ADGRD2: variants seen among roughly 807,000 people sequenced by gnomAD.
ADGRD2 encodes adhesion G protein-coupled receptor D2.
In ADGRD2, 71 loss-of-function variants were observed where a neutral mutation model predicts 44.4. That is an observed-to-expected ratio of 1.60 (90% CI 1.32 to 1.95). The LOEUF (loss-of-function observed/expected upper bound fraction) is 1.95, where lower values mean the gene tolerates loss of function less well. ADGRD2 is among the 30% of genes most tolerant of loss of function. The pLI, the probability that ADGRD2 is intolerant of heterozygous loss-of-function variation, is 0.00. For missense variants in ADGRD2, 1,039 were observed against 512.4 expected (o/e 2.03, Z -9.92); for synonymous variants, 481 against 224.8 (o/e 2.14, Z -10.19).
At chr9:124,472,318 C>T (rs900650977) in intron 17 of ADGRD2, among the ~76,000 whole-genome samples, 14 of 152,078 alleles carry the variant, frequency 9.2e-5, no homozygotes, top group African/African-American at 3.1e-4. Context: ...TCTCCCTGTG[C>T]CCTTCTCACC....
chr9:124,460,746 G>T (rs1390146958), intron 10 of ADGRD2, among the ~76,000 whole-genome samples: 1 of 152,026 alleles, frequency 6.6e-6, no homozygotes, highest in African/African-American at 2.4e-5. Flanking sequence ...GGGCTATTAT[G>T]AATAAGTCTG....
At chr9:124,473,875 A>G (rs1000541933) in intron 17 of ADGRD2, among the ~76,000 whole-genome samples, 6 of 138,158 alleles carry the variant, frequency 4.3e-5, no homozygotes, top group Non-Finnish European at 6.2e-5. Flanking sequence ...GGGAGGGGGC[A>G]TGGTGGGGTC....
intron 10 of ADGRD2, among the ~76,000 whole-genome samples, chr9:124,460,295 C>T (rs1016687908): frequency 4.0e-5 from 6 of 151,320 alleles, no homozygotes; most frequent in Non-Finnish European, 7.4e-5. Context: ...CTCCGCCCCC[C>T]GGGTCCAAGC....
exon 3 of ADGRD2, chr9:124,453,571 G>A: frequency 1.4e-6 from 1 of 699,386 alleles, no homozygotes; most frequent in East Asian, 2.7e-5. Flanking sequence ...CCGGGCACGG[G>A]CCTGCGCGCC....
intron 10 of ADGRD2, among the ~76,000 whole-genome samples, chr9:124,464,200 A>G (rs1478767874): frequency 1.3e-5 from 2 of 152,104 alleles, no homozygotes; most frequent in East Asian, 3.8e-4. Flanking sequence ...AAATAAAAAT[A>G]AATAAAAGTG....
At position 124,454,945 on chromosome 9, in the gene ADGRD2, C is replaced by G; in HGVS notation, c.1213C>G (p.Pro405Ala). ...GCATGTCCTGGCGATGGAGATGGCT[C>G]CCCTGGGGCCGGCCGCACTGCTGGC... The change falls in exon 6 of 22, where the codon CCC becomes GCC. Residue 405 changes from proline (P) to alanine (A), a missense_variant. Physicochemically the swap from Pro to Ala is conservative, Grantham distance 27 (BLOSUM62 -1). Transcript: ENST00000334810. The surrounding 1 kb of genome is among the most constrained non-coding windows in gnomAD (Gnocchi z 4.5). The G allele has an allele frequency of 2.8e-6, 2 of 717,656 alleles. No individual in the cohort carries two copies. The highest frequency in any genetic ancestry group is 3.0e-5 in the South Asian group (2 of 67,600). The allele number at this position is 717,656 out of a possible 1,614,324, so 44.5% of individuals were successfully genotyped here.
rs562103646 is a variant in ADGRD2, at chr9:124,476,583, G to A, written c.2905-96G>A. 6.8e-4 allele frequency: 438 copies of A among 640,480 alleles called. 1 individual carries two copies. Among genetic ancestry groups the A allele is most frequent in the Non-Finnish European group, 5.6e-4 (199 of 355,160 alleles). The allele number at this position is 640,480 out of a possible 1,614,324, so 39.7% of individuals were successfully genotyped here. A position where few individuals can be genotyped will look rare whatever the true frequency, so the allele number is the denominator to read the frequency against. On this transcript the variant is annotated intron_variant, in intron 20 of 21. Transcript: ENST00000334810. ...GGCCCAGGGAGGGGGAGCTGCTGGC[G>A]GCAAGCTGGCAGAGGCCCCTATAGC...
intron 2 of ADGRD2, 113 bp from the exon 6 acceptor site, chr9:124,452,922 A>G: frequency 1.7e-6 from 1 of 604,048 alleles, no homozygotes; most frequent in Non-Finnish European, 2.9e-6. Flanking sequence ...CTCCTTCCCG[A>G]GGTGGGGAGG....
intron 6 of ADGRD2, among the ~76,000 whole-genome samples, chr9:124,456,263 C>A (rs941347042): frequency 6.6e-6 from 1 of 152,234 alleles, no homozygotes; most frequent in African/African-American, 2.4e-5. Flanking sequence ...GCTCTCACCA[C>A]CCCCATCCAT....
At chr9:124,462,838 A>G (rs921321085) in intron 10 of ADGRD2, among the ~76,000 whole-genome samples, 3 of 152,188 alleles carry the variant, frequency 2.0e-5, no homozygotes, top group Non-Finnish European at 4.4e-5. Context: ...TTGTCTGCCA[A>G]TAAAGGCAGT....
chr9:124,466,955 C>T (rs1157012709), intron 11 of ADGRD2: 1 of 152,610 alleles, frequency 6.6e-6, no homozygotes, highest in Non-Finnish European at 1.5e-5. Context: ...GGACGTGAGC[C>T]TCAGGAACGC....
chr9:124,451,837 A>G (rs1416109381), upstream of ADGRD2: 5 of 513,100 alleles, frequency 9.7e-6, no homozygotes, highest in East Asian at 1.4e-4. Flanking sequence ...CACAGACGGA[A>G]TAAAAGCACT....
intron 2 of ADGRD2, 95 bp downstream of exon 5, chr9:124,452,817 C>T: frequency 1.6e-6 from 1 of 644,076 alleles, no homozygotes; most frequent in South Asian, 1.7e-5. Context: ...GCAGAATGAG[C>T]CGGGAGTAAG....
At chr9:124,453,550 G>A (rs149830619) in exon 3 of ADGRD2, 4 of 697,126 alleles carry the variant, frequency 5.7e-6, no homozygotes, top group East Asian at 2.7e-5. Flanking sequence ...GCTGAGCCCC[G>A]CTCAGCTGCA....
chr9:124,476,727 C>A lies in ADGRD2; in HGVS notation c.*18+18C>A, dbSNP rs949129692. On this transcript the variant is annotated intron_variant, in intron 21 of 21. Coordinates refer to ENST00000334810, the Ensembl canonical transcript of ADGRD2. ...AGCTTCAGGTACAGTCCCCACCTCACGGGGTCCCCTCTTTTCTTTTTGGGC... is the reference window on the plus strand; with the variant it reads ...AGCTTCAGGTACAGTCCCCACCTCAAGGGGTCCCCTCTTTTCTTTTTGGGC... The A allele has an allele frequency of 2.7e-5, 19 of 699,136 alleles. No individual in the cohort carries two copies. The highest frequency in any genetic ancestry group is 4.7e-5 in the Non-Finnish European group (18 of 382,686). The allele number at this position is 699,136 out of a possible 1,614,324, so 43.3% of individuals were successfully genotyped here. A position where few individuals can be genotyped will look rare whatever the true frequency, so the allele number is the denominator to read the frequency against.
At position 124,452,112 on chromosome 9, in the gene ADGRD2, C is replaced by A. The variant is rs1006562342; in HGVS notation, c.24C>A (p.Pro8=). ...CCAGATCAGGAGTCTCTCTGGGACC[C>A]CCTCCAACTCCCCAGGTGAATCAAG... The change falls in exon 1 of 22, where the codon CCC becomes CCA. Residue 8 remains proline, a synonymous_variant. Coordinates refer to ENST00000334810, the Ensembl canonical transcript of ADGRD2. 10 of 716,268 alleles carry A rather than the reference C, an allele frequency of 1.4e-5. No individual in the cohort carries two copies. The African/African-American group carries it at 1.4e-4, about 10-fold the overall frequency. The allele number at this position is 716,268 out of a possible 1,614,324, so 44.4% of individuals were successfully genotyped here.
chr9:124,450,506 A>G (rs1317544278), upstream of ADGRD2, among the ~76,000 whole-genome samples: 3 of 152,220 alleles, frequency 2.0e-5, no homozygotes, highest in Non-Finnish European at 2.9e-5. Flanking sequence ...GGCCAGCCAT[A>G]GCGGGTGAGG....
intron 10 of ADGRD2, among the ~76,000 whole-genome samples, chr9:124,464,269 A>G (rs1365159724): frequency 6.6e-6 from 1 of 152,240 alleles, no homozygotes; most frequent in East Asian, 1.9e-4. Context: ...ACAAAATTGT[A>G]TTACTCAGAG....
intron 11 of ADGRD2, 121 bp downstream of exon 14, chr9:124,466,534 A>G (rs574408195): frequency 5.4e-6 from 3 of 556,834 alleles, no homozygotes; most frequent in Non-Finnish European, 9.9e-6. Flanking sequence ...ATTGTCGGGG[A>G]CAGGGCTGCA....
Sources: gnomAD v4.1 joint callset for allele counts (sites outside exome capture counted in the v4.1 genomes callset) on GRCh38, gnomAD v4.1.1 for gene constraint, Gnocchi (gnomAD v3.1) non-coding constraint, MANE v1.5 for transcripts, NCBI Gene and HGNC (gene_info 2026-07-23, HGNC 2026-07-21) for gene names.